KCTD5: variants seen among roughly 807,000 people sequenced by gnomAD.
The protein encoded by KCTD5 is BTB/POZ domain-containing protein KCTD5.
KCTD5 carries 12 observed loss-of-function variants against 27.9 expected under a neutral mutation model. That is an observed-to-expected ratio of 0.43 (90% confidence interval 0.28 to 0.70). KCTD5 has a LOEUF of 0.70. Among genes scored for constraint, KCTD5 ranks in the 30% least tolerant of loss-of-function variants. The pLI is 0.19. For missense variants in KCTD5, 226 were observed against 274.8 expected, an observed-to-expected ratio of 0.82 and a Z score of 1.26; for synonymous variants, 147 against 121.4, an observed-to-expected ratio of 1.21 and a Z score of -1.39.
At chr16:2,692,872 C>T (rs906335442) in intron 1 of KCTD5, among the ~76,000 whole-genome samples, 4 of 152,246 alleles carry the variant, frequency 2.6e-5, no homozygotes, top group Admixed American at 1.3e-4. Context: ...TGCAAGGGCC[C>T]GGCAGAGGGG....
chr16:2,690,223 G>A (rs973814217), intron 1 of KCTD5, among the ~76,000 whole-genome samples: 6 of 152,254 alleles, frequency 3.9e-5, no homozygotes, highest in African/African-American at 9.6e-5. Context: ...AGTCAGCTCT[G>A]TCTGCGGAGT....
At chr16:2,702,173 G>C (rs896794432) in intron 4 of KCTD5, among the ~76,000 whole-genome samples, 180 bp from the exon 5 acceptor site, 2 of 152,228 alleles carry the variant, frequency 1.3e-5, no homozygotes, top group African/African-American at 4.8e-5. Flanking sequence ...ACGGCGTGGG[G>C]TGCCGCCCCG....
At chr16:2,693,973 G>A (rs568100764) in intron 1 of KCTD5, among the ~76,000 whole-genome samples, 1 of 146,270 alleles carries the variant, frequency 6.8e-6, no homozygotes, top group East Asian at 2.0e-4. Context: ...GCGAGCCTCC[G>A]CCCTATCTGA....
intron 5 of KCTD5, among the ~76,000 whole-genome samples, chr16:2,704,399 A>AGCG (rs913681313): frequency 4.6e-5 from 7 of 152,022 alleles, no homozygotes; most frequent in East Asian, 1.9e-4. Flanking sequence ...CACTTCAGTC[A>AGCG]GCGGCGGCGG....
chr16:2,692,235 C>T (rs899221453), intron 1 of KCTD5, among the ~76,000 whole-genome samples: 3 of 152,120 alleles, frequency 2.0e-5, no homozygotes, highest in Admixed American at 1.3e-4. Context: ...TGGCCAGAAA[C>T]GTCTCTGGCC....
intron 3 of KCTD5, among the ~76,000 whole-genome samples, chr16:2,698,461 C>T (rs575693672): frequency 6.6e-6 from 1 of 152,370 alleles, no homozygotes; most frequent in South Asian, 2.1e-4. Context: ...GCCACAGACA[C>T]ACCTCTCACA....
intron 2 of KCTD5, 147 bp from the exon 3 acceptor site, chr16:2,697,759 T>G (rs1325125654): frequency 3.2e-6 from 2 of 618,742 alleles, no homozygotes; most frequent in Non-Finnish European, 5.8e-6. Flanking sequence ...GCAGGAAGCC[T>G]GTTAGGTCGG....
chr16:2,682,940 C>G lies in KCTD5; in HGVS notation c.252+140C>G, dbSNP rs1047529388. ...CTTCGAGCCCCGCGCTCCCTTGTCG[C>G]CAGCTCCTCCCCAGCTTGCCCCGAT... On this transcript the variant is annotated intron_variant, in intron 1 of 5. Coordinates refer to ENST00000301738, the MANE Select transcript of KCTD5 (RefSeq NM_018992.4). The G allele has an allele frequency of 6.5e-6, 7 of 1,073,544 alleles. No individual in the cohort carries two copies. The African/African-American group carries it at 6.7e-5, about 10-fold the overall frequency. The allele number at this position is 1,073,544 out of a possible 1,614,324, so 66.5% of individuals were successfully genotyped here. A position where few individuals can be genotyped will look rare whatever the true frequency, so the allele number is the denominator to read the frequency against.
intron 3 of KCTD5, among the ~76,000 whole-genome samples, chr16:2,698,410 C>T (rs990770928): frequency 2.6e-5 from 4 of 152,234 alleles, no homozygotes; most frequent in East Asian, 1.9e-4. Flanking sequence ...TCTGCGCAGG[C>T]GCCAGAAGGA....
At chr16:2,691,325 A>G (rs2067565726) in intron 1 of KCTD5, among the ~76,000 whole-genome samples, 1 of 152,198 alleles carries the variant, frequency 6.6e-6, no homozygotes, top group Non-Finnish European at 1.5e-5. Flanking sequence ...GAGGAAACCC[A>G]CCAGTTAGAA....
At position 2,682,570 on chromosome 16, in the gene KCTD5, C is replaced by A; in HGVS notation, c.22C>A (p.Leu8Ile). The change falls in exon 1 of 6, where the codon CTC (leucine) becomes ATC (isoleucine). Residue 8 changes from leucine (L) to isoleucine (I), a missense_variant. This residue lies in a region of KCTD5 where 91 missense variants were observed against 67.8 expected (regional missense o/e 1.34). Transcript: ENST00000301738. Reference protein sequence around the residue: MAENHCELLSPARGGIGA... With the variant: MAENHCEILSPARGGIGA... Reference sequence around the variant, plus strand: ...GATCATGGCGGAGAATCACTGCGAGCTCCTGTCGCCGGCCCGGGGCGGCAT... The same window carrying A: ...GATCATGGCGGAGAATCACTGCGAGATCCTGTCGCCGGCCCGGGGCGGCAT... The A allele has an allele frequency of 7.1e-7, 1 of 1,414,580 alleles. No homozygotes were observed. The allele number at this position is 1,414,580 out of a possible 1,614,324, so 87.6% of individuals were successfully genotyped here. A position where few individuals can be genotyped will look rare whatever the true frequency, so the allele number is the denominator to read the frequency against.
intron 1 of KCTD5, among the ~76,000 whole-genome samples, chr16:2,688,240 TATA>T (rs2067550243): frequency 2.0e-5 from 2 of 99,588 alleles, no homozygotes; most frequent in African/African-American, 7.8e-5. Context: ...TATATATATA[TATA>T]TATTTATTTA....
intron 5 of KCTD5, among the ~76,000 whole-genome samples, chr16:2,704,575 A>G (rs2142059750): frequency 6.6e-6 from 1 of 152,364 alleles, no homozygotes; most frequent in Admixed American, 6.5e-5. Flanking sequence ...TTCCCAAGGA[A>G]CAGAGAGAGA....
At chr16:2,683,235 C>T (rs2067526203) in intron 1 of KCTD5, 2 of 156,528 alleles carry the variant, frequency 1.3e-5, no homozygotes, top group African/African-American at 4.8e-5. Flanking sequence ...ACATTCTGGA[C>T]GTTTGAATTA....
At chr16:2,697,767 C>T (rs1278848126) in intron 2 of KCTD5, 139 bp from the exon 3 acceptor site, 8 of 639,450 alleles carry the variant, frequency 1.3e-5, no homozygotes, top group South Asian at 9.1e-5. Context: ...CCTGTTAGGT[C>T]GGGGCCTGAG....
At chr16:2,683,376 A>G (rs2067527089) in intron 1 of KCTD5, 1 of 152,252 alleles carries the variant, frequency 6.6e-6, no homozygotes. Flanking sequence ...ATGCGTCCGT[A>G]GTATATAGTA....
At chr16:2,687,661 C>G (rs571761714) in intron 1 of KCTD5, among the ~76,000 whole-genome samples, 13 of 152,230 alleles carry the variant, frequency 8.5e-5, no homozygotes, top group African/African-American at 2.9e-4. Flanking sequence ...TGCCTGGTCT[C>G]GCCCCGGCCC....
intron 1 of KCTD5, among the ~76,000 whole-genome samples, chr16:2,691,207 G>T (rs2067565103): frequency 6.6e-6 from 1 of 152,214 alleles, no homozygotes; most frequent in Non-Finnish European, 1.5e-5. Context: ...CTCATTGAAA[G>T]CTTCAAAGAG....
chr16:2,697,545 GATCCAA>G (rs767463078), intron 2 of KCTD5, among the ~76,000 whole-genome samples: 271 of 152,368 alleles, frequency 1.8e-3, no homozygotes, highest in Non-Finnish European at 2.9e-3. Context: ...GAAAATGCCA[GATCCAA>G]CCCCCAGCAT....
Sources: gnomAD v4.1 joint callset for allele counts (sites outside exome capture counted in the v4.1 genomes callset) on GRCh38, gnomAD v4.1.1 for gene constraint, gnomAD v4.1.1 regional missense constraint, MANE v1.5 for transcripts, NCBI Gene and HGNC (gene_info 2026-07-23, HGNC 2026-07-21) for gene names.